Variants in TTC3 observed in about 807,000 individuals in gnomAD.
TTC3 encodes E3 ubiquitin-protein ligase TTC3.
A neutral mutation model predicts 249.6 loss-of-function variants in TTC3; 180 were observed. The ratio of observed to expected loss-of-function variants is 0.72; its 90% CI spans 0.64 to 0.82. The LOEUF (loss-of-function observed/expected upper bound fraction) is 0.82. TTC3 is among the 40% of genes least tolerant of loss of function. TTC3 has a pLI of 0.00. For missense variants in TTC3, 2,061 were observed against 2,398.4 expected (o/e 0.86, Z 2.94); for synonymous variants, 717 against 805.0 (o/e 0.89, Z 1.85).
intron 10 of TTC3, among the ~76,000 whole-genome samples, chr21:37,102,020 T>C (rs2074560574): frequency 7.3e-6 from 1 of 137,894 alleles, no homozygotes; most frequent in Non-Finnish European, 1.6e-5. Flanking sequence ...AGATTATATA[T>C]ACCTATGCAA....
At chr21:37,161,058 C>T (rs1246193033) in intron 30 of TTC3, among the ~76,000 whole-genome samples, 200 bp downstream of exon 30, 2 of 151,340 alleles carry the variant, frequency 1.3e-5, no homozygotes, top group Non-Finnish European at 2.9e-5. Context: ...AGTCTTGACA[C>T]TCGTATTCTT....
At chr21:37,175,150 G>A (rs998033114) in intron 35 of TTC3, among the ~76,000 whole-genome samples, 56 of 149,306 alleles carry the variant, frequency 3.8e-4, no homozygotes, top group African/African-American at 1.4e-3. Flanking sequence ...TGTAGTCCCA[G>A]CTACTCAGGA....
intron 35 of TTC3, among the ~76,000 whole-genome samples, chr21:37,181,344 G>A (rs2082740468): frequency 6.6e-6 from 1 of 152,238 alleles, no homozygotes; most frequent in Non-Finnish European, 1.5e-5. Flanking sequence ...TGGATCCCAG[G>A]TGAGATCATT....
chr21:37,093,907 T>G, intron 7 of TTC3, 98 bp from the exon 8 acceptor site: 1 of 717,692 alleles, frequency 1.4e-6, no homozygotes. Flanking sequence ...AGGACCGTTG[T>G]GGACTCACCT....
At chr21:37,157,004 G>A (rs910039634) in intron 28 of TTC3, 98 bp downstream of exon 28, 1 of 1,451,996 alleles carries the variant, frequency 6.9e-7, no homozygotes, top group Admixed American at 2.1e-5. Flanking sequence ...AAAGAAAATA[G>A]TGAAAATTAT....
At position 37,090,223 on chromosome 21, in the gene TTC3, T is replaced by A; in HGVS notation, c.427-10T>A. On this transcript the variant is annotated splice_polypyrimidine_tract_variant and intron_variant, in intron 5 of 45. Transcript: ENST00000355666. ...ATAAGGAAAAAATATGTCCTTTTTT[T>A]ATTTTTCAGAATGATTCATTCCTTA... The A allele has an allele frequency of 6.3e-7, 1 of 1,582,826 alleles. No homozygotes were observed. The highest frequency in any genetic ancestry group is 8.6e-7 in the Non-Finnish European group (1 of 1,163,646).
Position 37,114,567 on chromosome 21 carries a change from C to G in TTC3, c.900+6121C>G, listed in dbSNP as rs537813519. Among the ~76,000 whole-genome samples, 1,329 of 152,236 alleles carry G rather than the reference C, an allele frequency of 8.7e-3. 14 individuals carry two copies. Among genetic ancestry groups the G allele is most frequent in the Middle Eastern group, 0.014 (4 of 294 alleles). On this transcript the variant is annotated intron_variant, in intron 11 of 45. Coordinates refer to ENST00000355666, the Ensembl canonical transcript of TTC3. The stretch of plus-strand genomic sequence containing the variant: ...GAGAGGATGTGGAGAAATAGGAACA[C>G]TTTTACACTGTTGGTGGGACTGTAA...
chr21:37,182,801 C>T, exon 36 of TTC3: 2 of 1,593,130 alleles, frequency 1.3e-6, no homozygotes, highest in Non-Finnish European at 1.7e-6. Context: ...AGATTGGTTC[C>T]TTCAAGATTT....
chr21:37,161,605 G>A lies in TTC3; in HGVS notation c.3097-385G>A, dbSNP rs141244052. ...CTTTGGTGGGTTCTTCATGGCTCTT[G>A]TGTGTATGTGGGGAGCAGAAAGGGG... On this transcript the variant is annotated intron_variant, in intron 30 of 45. Coordinates refer to ENST00000355666, the Ensembl canonical transcript of TTC3. Among the ~76,000 whole-genome samples the A allele has an allele frequency of 1.6e-3, 245 of 152,346 alleles. 1 individual carries two copies. Among genetic ancestry groups the A allele is most frequent in the African/African-American group, 5.6e-3 (232 of 41,580 alleles).
At chr21:37,166,610 A>G in exon 33 of TTC3, 1 of 1,609,420 alleles carries the variant, frequency 6.2e-7, no homozygotes, top group South Asian at 1.1e-5. Flanking sequence ...GATGGTTGCC[A>G]TACAGGTAAG....
At chr21:37,076,780 G>C (rs561574351) in intron 1 of TTC3, among the ~76,000 whole-genome samples, 99 of 137,936 alleles carry the variant, frequency 7.2e-4, no homozygotes, top group African/African-American at 2.4e-3. Flanking sequence ...TCGGCTCACT[G>C]CAACCTCTGC....
At position 37,167,056 on chromosome 21, in the gene TTC3, G is replaced by A. The variant is rs189701975; in HGVS notation, c.4401+441G>A. ...GGGTGCCTGCCCCATAGGACTTAGC[G>A]CATGAAGGAGGAAGGGAAAATGTGC... is the stretch of plus-strand genomic sequence containing the variant. On this transcript the variant is annotated intron_variant, in intron 33 of 45. Coordinates refer to ENST00000355666, the Ensembl canonical transcript of TTC3. Among the ~76,000 whole-genome samples, 244 of 152,226 alleles carry A rather than the reference G, an allele frequency of 1.6e-3. 1 individual carries two copies. Among genetic ancestry groups the A allele is most frequent in the Middle Eastern group, 3.4e-3 (1 of 294 alleles).
At chr21:37,124,112 C>CTGTTTTTTTTT (rs2076851310) in intron 13 of TTC3, among the ~76,000 whole-genome samples, 1 of 61,272 alleles carries the variant, frequency 1.6e-5, no homozygotes, top group Non-Finnish European at 2.8e-5. Flanking sequence ...TTGAACTGTT[C>CTGTTTTTTTTT]TTTTTTTTTT....
chr21:37,153,149 A>G, exon 27 of TTC3: 2 of 1,614,100 alleles, frequency 1.2e-6, no homozygotes, highest in Non-Finnish European at 1.7e-6. Flanking sequence ...GAAGCAGTGG[A>G]CTATGTTATT....
chr21:37,151,076 A>G (rs1275577445), intron 25 of TTC3, among the ~76,000 whole-genome samples, 192 bp downstream of exon 25: 1 of 152,158 alleles, frequency 6.6e-6, no homozygotes, highest in Non-Finnish European at 1.5e-5. Context: ...TTAAATACTA[A>G]AAACTTGATT....
rs2298326 is a variant in TTC3, at chr21:37,150,186, G to T, written c.2211+16G>T. ...TAAATGTGAAGTAAGTAATAAAGGG[G>T]AAACCTTGTTAGATAGATAACCAAA... On this transcript the variant is annotated intron_variant, in intron 24 of 45. Transcript: ENST00000355666. 33,346 of 1,583,962 alleles carry T rather than the reference G, an allele frequency of 0.021. 2,951 individuals are homozygous for T. The African/African-American group carries it at 0.23, about 11-fold the overall frequency.
At chr21:37,162,972 G>T (rs952830553) in intron 31 of TTC3, among the ~76,000 whole-genome samples, 2 of 152,132 alleles carry the variant, frequency 1.3e-5, no homozygotes, top group African/African-American at 4.8e-5. Flanking sequence ...ATTCATGGGG[G>T]TAGAGCCTAA....
exon 32 of TTC3, chr21:37,164,081 T>A (rs533517600): frequency 6.2e-7 from 1 of 1,611,234 alleles, no homozygotes; most frequent in African/African-American, 1.3e-5. Context: ...CAGGCCCATT[T>A]GCAGTGCCTG....
At chr21:37,130,925 G>A (rs972155139) in intron 16 of TTC3, among the ~76,000 whole-genome samples, 1 of 152,132 alleles carries the variant, frequency 6.6e-6, no homozygotes, top group African/African-American at 2.4e-5. Context: ...TTTCTGTAGT[G>A]GGATTGCTGT....
Sources: allele counts gnomAD v4.1 joint callset (sites outside exome capture counted in the v4.1 genomes callset), GRCh38; gene constraint gnomAD v4.1.1; transcripts MANE v1.5; gene names NCBI Gene and HGNC (gene_info 2026-07-23, HGNC 2026-07-21).